GLI2: variants seen among roughly 807,000 people sequenced by gnomAD.
GLI2 encodes transcription activator GLI2.
In GLI2, 22 loss-of-function variants were observed where a neutral mutation model predicts 78.9. That is an observed-to-expected ratio of 0.28 (90% CI 0.20 to 0.40). The LOEUF (loss-of-function observed/expected upper bound fraction) is 0.40, where lower values mean the gene tolerates loss of function less well. Among genes scored for constraint, GLI2 ranks in the 10% least tolerant of loss-of-function variants. The pLI is 1.00. For missense variants in GLI2, 2,097 were observed against 2,213.2 expected (o/e 0.95, Z 1.05); for synonymous variants, 974 against 963.7 (o/e 1.01, Z -0.20).
intron 1 of GLI2, among the ~76,000 whole-genome samples, chr2:120,779,787 C>T (rs1683783935): frequency 6.6e-6 from 1 of 152,220 alleles, no homozygotes. Flanking sequence ...ACCCCCTCAG[C>T]CTTGCTCCTA....
At chr2:120,858,405 T>G (rs945863858) in intron 2 of GLI2, among the ~76,000 whole-genome samples, 8 of 152,212 alleles carry the variant, frequency 5.3e-5, no homozygotes, top group Non-Finnish European at 1.2e-4. Context: ...CAAGGCTACT[T>G]TGTTGAGTTA....
intron 2 of GLI2, among the ~76,000 whole-genome samples, chr2:120,811,974 C>T (rs1180291043): frequency 2.6e-5 from 4 of 152,176 alleles, no homozygotes; most frequent in Non-Finnish European, 5.9e-5. Context: ...TTCTCTGGAA[C>T]TGACATTCTA....
intron 4 of GLI2, among the ~76,000 whole-genome samples, chr2:120,952,721 GT>G (rs1361328652): frequency 1.3e-5 from 2 of 152,232 alleles, no homozygotes; most frequent in African/African-American, 2.4e-5. Context: ...CGTCCCCTGT[GT>G]GGCCTTGACC....
At chr2:120,769,894 A>G (rs1349776749) in intron 1 of GLI2, among the ~76,000 whole-genome samples, 3 of 152,018 alleles carry the variant, frequency 2.0e-5, no homozygotes, top group African/African-American at 4.8e-5. Flanking sequence ...GTGTGTGTGC[A>G]TGTGCATGTG....
intron 2 of GLI2, among the ~76,000 whole-genome samples, chr2:120,901,615 T>G (rs1394507463): frequency 6.6e-6 from 1 of 152,146 alleles, no homozygotes; most frequent in East Asian, 1.9e-4. Context: ...ATCCACGGAG[T>G]GCACATCCTG....
chr2:120,959,173 C>A (rs756068388), intron 5 of GLI2, among the ~76,000 whole-genome samples: 1 of 152,146 alleles, frequency 6.6e-6, no homozygotes, highest in African/African-American at 2.4e-5. Flanking sequence ...CAGCAGTGGG[C>A]GCGAGAGCTC....
intron 2 of GLI2, among the ~76,000 whole-genome samples, chr2:120,909,702 A>G (rs565650219): frequency 6.6e-6 from 1 of 152,112 alleles, no homozygotes; most frequent in African/African-American, 2.4e-5. Flanking sequence ...TGTCTCTACT[A>G]AAAATACAAA....
intron 1 of GLI2, among the ~76,000 whole-genome samples, chr2:120,772,242 C>G (rs1489926827): frequency 2.6e-5 from 4 of 152,168 alleles, no homozygotes; most frequent in African/African-American, 7.2e-5. Flanking sequence ...GTGTGAACCT[C>G]AAGACTGGAT....
chr2:120,866,868 C>T (rs1688161176), intron 2 of GLI2: 1 of 152,232 alleles, frequency 6.6e-6, no homozygotes, highest in Admixed American at 6.5e-5. Flanking sequence ...AGTGACATTT[C>T]AGGCTGGCTG....
intron 2 of GLI2, among the ~76,000 whole-genome samples, chr2:120,912,259 A>G (rs765919488): frequency 4.9e-5 from 7 of 142,872 alleles, no homozygotes; most frequent in Non-Finnish European, 9.0e-5. Context: ...TCATCAAAAT[A>G]TTGTTTTGCA....
chr2:120,935,045 C>T (rs1390350901), intron 3 of GLI2, among the ~76,000 whole-genome samples: 1 of 152,146 alleles, frequency 6.6e-6, no homozygotes, highest in Non-Finnish European at 1.5e-5. Context: ...TGGCACAGCA[C>T]CCGAGGTTCA....
rs993381675 is a variant in GLI2 at position 120,952,206 on chromosome 2, C to T, written c.457+761C>T. Among the ~76,000 whole-genome samples, 8 of 152,344 alleles carry T rather than the reference C, an allele frequency of 5.3e-5. 1 individual carries two copies. In the East Asian group the frequency reaches 1.4e-3, roughly 26 times the overall value. ...TCCATAGCATGGCATGGCCCCGTGCCGCCCCTGAGAGCGCTGTTAGCCACT... is the reference window on the plus strand; with the variant it reads ...TCCATAGCATGGCATGGCCCCGTGCTGCCCCTGAGAGCGCTGTTAGCCACT... On this transcript the variant is annotated intron_variant, in intron 4 of 13. Coordinates refer to ENST00000361492, the MANE Select transcript of GLI2 (RefSeq NM_001374353.1).
rs1235438068 is a variant in GLI2, at chr2:120,939,845, C to T, written c.255-11398C>T. Among the ~76,000 whole-genome samples the T allele has an allele frequency of 4.6e-5, 7 of 152,232 alleles. No homozygotes were observed. In the South Asian group the frequency reaches 1.4e-3, roughly 32 times the overall value. ...TCTCACCCTCCTAGACATTGCCAGA[C>T]TTCGCCCGCTGGTTTTGCTAACACT... On this transcript the variant is annotated intron_variant, in intron 3 of 13. Transcript: ENST00000361492.
chr2:120,810,295 T>C (rs1225664097), intron 2 of GLI2, among the ~76,000 whole-genome samples: 1 of 152,204 alleles, frequency 6.6e-6, no homozygotes. Context: ...CCAGGTGTGC[T>C]GGGCCGTCTT....
At chr2:120,883,053 T>C (rs1677231434) in intron 2 of GLI2, among the ~76,000 whole-genome samples, 2 of 152,208 alleles carry the variant, frequency 1.3e-5, no homozygotes, top group South Asian at 4.1e-4. Flanking sequence ...AATTTTGCCT[T>C]TTCCTGAATA....
chr2:120,774,370 C>A (rs556354758), intron 1 of GLI2, among the ~76,000 whole-genome samples: 1 of 152,288 alleles, frequency 6.6e-6, no homozygotes, highest in African/African-American at 2.4e-5. Context: ...AGAATATTAA[C>A]AAAGCTGAAT....
At chr2:120,775,085 G>A (rs11694865) in intron 1 of GLI2, among the ~76,000 whole-genome samples, 8,740 of 152,236 alleles carry the variant, frequency 0.057, 387 homozygotes, top group Admixed American at 0.12. Flanking sequence ...ACATAGGGAC[G>A]TGGGTATGCC....
intron 1 of GLI2, among the ~76,000 whole-genome samples, chr2:120,786,376 A>G (rs6753140): frequency 0.042 from 6,447 of 152,176 alleles, 430 homozygotes; most frequent in African/African-American, 0.14. Context: ...CACCACCGCC[A>G]TCATCCCTGC....
chr2:120,955,393 C>T lies in GLI2; in HGVS notation c.606C>T (p.Ser202=), dbSNP rs146181686. Residue 202 remains serine, a synonymous_variant, in exon 5 of 14, where the codon AGC becomes AGT. Coordinates refer to ENST00000361492, the MANE Select transcript of GLI2 (RefSeq NM_001374353.1). ...DLLMQSGGAA[S]APHLHDYLNP... is the part of the protein sequence containing the mutation. ...TGATGCAGAGCGGGGGCGCTGCCAGCGCACCCCATCTCCACGACTACCTCA... is the reference window on the plus strand; with the variant it reads ...TGATGCAGAGCGGGGGCGCTGCCAGTGCACCCCATCTCCACGACTACCTCA... The T allele has an allele frequency of 3.2e-5, 52 of 1,610,958 alleles. No homozygotes were observed. In the Middle Eastern group the frequency reaches 9.9e-4, roughly 31 times the overall value.
Sources: allele counts gnomAD v4.1 joint callset (sites outside exome capture counted in the v4.1 genomes callset), GRCh38; gene constraint gnomAD v4.1.1; transcripts MANE v1.5; gene names NCBI Gene and HGNC (gene_info 2026-07-23, HGNC 2026-07-21).